Variants in DAB1 observed in about 807,000 individuals in gnomAD.
The protein encoded by DAB1 is DAB adaptor protein 1.
A neutral mutation model predicts 64.6 loss-of-function variants in DAB1; 15 were observed. The ratio of observed to expected loss-of-function variants is 0.23; its 90% CI spans 0.16 to 0.36. DAB1 has a LOEUF of 0.36. Among genes scored for constraint, DAB1 ranks in the 10% least tolerant of loss-of-function variants. DAB1 has a pLI of 1.00. For missense variants in DAB1, 596 were observed against 706.7 expected (o/e 0.84, Z 1.78); for synonymous variants, 235 against 251.9 (o/e 0.93, Z 0.64).
intron 5 of DAB1, among the ~76,000 whole-genome samples, chr1:58,077,446 T>C (rs910880744): frequency 6.6e-6 from 1 of 152,074 alleles, no homozygotes; most frequent in Non-Finnish European, 1.5e-5. Flanking sequence ...AGGAAAGTGG[T>C]ACAGTCTGGC....
chr1:57,957,850 C>T lies in DAB1; in HGVS notation n.388-73688G>A, dbSNP rs1570076514. 3.3e-5 allele frequency among the ~76,000 whole-genome samples: 5 copies of T among 152,220 alleles called. 1 individual carries two copies. The highest frequency in any genetic ancestry group is 3.3e-4 in the Admixed American group (5 of 15,288). On this transcript the variant is annotated intron_variant and non_coding_transcript_variant, in intron 5 of 20. Coordinates refer to the DAB1 transcript ENST00000485760. ...GTTTCATACCTGACAATACATGAAA[C>T]AAGACTTCAAAAGAATTTTTGTGAA... is the stretch of plus-strand genomic sequence containing the variant.
chr1:57,882,925 T>C (rs972830496), intron 1 of DAB1, among the ~76,000 whole-genome samples: 1 of 152,200 alleles, frequency 6.6e-6, no homozygotes, highest in Non-Finnish European at 1.5e-5. Flanking sequence ...TTTTTGTCCA[T>C]GGGAGATGCT....
At chr1:58,517,646 T>C (rs1316428999) in intron 2 of DAB1, among the ~76,000 whole-genome samples, 1 of 152,188 alleles carries the variant, frequency 6.6e-6, no homozygotes, top group Non-Finnish European at 1.5e-5. Context: ...AATTTCTGTC[T>C]CTTGAATTCT....
chr1:57,218,538 A>AAAAAAAAAAAAAAAAAAG (rs1666610155), intron 2 of DAB1, among the ~76,000 whole-genome samples: 1 of 147,848 alleles, frequency 6.8e-6, no homozygotes, highest in African/African-American at 2.5e-5. Context: ...AAAAAAAAAA[A>AAAAAAAAAAAAAAAAAAG]AAAAACAGAA....
chr1:57,464,357 C>G (rs1686886214), intron 7 of DAB1, among the ~76,000 whole-genome samples: 1 of 152,176 alleles, frequency 6.6e-6, no homozygotes, highest in South Asian at 2.1e-4. Flanking sequence ...TAACTCCTAA[C>G]TCCCACCTAT....
chr1:57,775,898 A>G (rs937960957), intron 6 of DAB1, among the ~76,000 whole-genome samples: 5 of 151,530 alleles, frequency 3.3e-5, no homozygotes, highest in African/African-American at 7.3e-5. Flanking sequence ...TTGTGATACC[A>G]TCTTTATGTT....
rs1005550306 is a variant in DAB1, at chr1:58,311,859, T to C, written n.309+31493A>G. On this transcript the variant is annotated intron_variant and non_coding_transcript_variant, in intron 4 of 20. Transcript: ENST00000485760. The stretch of plus-strand genomic sequence containing the variant: ...GAACTGATAAATACATATTATATCT[T>C]TTAATCTTCACAACAACATTGGGGG... Among the ~76,000 whole-genome samples, 11 of 152,168 alleles carry C rather than the reference T, an allele frequency of 7.2e-5. 1 individual carries two copies. The highest frequency in any genetic ancestry group is 2.4e-4 in the African/African-American group (10 of 41,442).
At chr1:58,132,179 C>T (rs981830109) in intron 5 of DAB1, among the ~76,000 whole-genome samples, 5 of 152,230 alleles carry the variant, frequency 3.3e-5, no homozygotes, top group East Asian at 1.9e-4. Context: ...TTTTTAAGCC[C>T]GTCGGAAAAG....
At chr1:57,231,601 A>G (rs1314232043) in intron 2 of DAB1, among the ~76,000 whole-genome samples, 1 of 152,242 alleles carries the variant, frequency 6.6e-6, no homozygotes, top group African/African-American at 2.4e-5. Context: ...CACCTGATCC[A>G]GTCCTCAGAA....
intron 2 of DAB1, among the ~76,000 whole-genome samples, chr1:57,243,343 A>G (rs1325133345): frequency 6.6e-6 from 1 of 152,216 alleles, no homozygotes; most frequent in Admixed American, 6.5e-5. Context: ...TTAGTGGTTA[A>G]TGGTGCATCT....
intron 4 of DAB1, among the ~76,000 whole-genome samples, chr1:58,240,855 A>G (rs1264693980): frequency 1.3e-5 from 2 of 152,162 alleles, no homozygotes; most frequent in African/African-American, 4.8e-5. Flanking sequence ...ATAGAAAGAG[A>G]AGAGGACCTC....
intron 3 of DAB1, among the ~76,000 whole-genome samples, chr1:58,363,005 T>C (rs1644182080): frequency 6.6e-6 from 1 of 152,244 alleles, no homozygotes; most frequent in African/African-American, 2.4e-5. Context: ...TCTCACTGTC[T>C]GCTCACATGG....
chr1:57,668,126 A>G (rs1046387450), intron 6 of DAB1, among the ~76,000 whole-genome samples: 6 of 152,092 alleles, frequency 3.9e-5, no homozygotes, highest in Non-Finnish European at 8.8e-5. Flanking sequence ...TTGAAAGTGG[A>G]ATTAGCGTTC....
chr1:57,107,094 G>A (rs1251029728), intron 4 of DAB1, among the ~76,000 whole-genome samples: 3 of 152,104 alleles, frequency 2.0e-5, no homozygotes, highest in Non-Finnish European at 4.4e-5. Context: ...ATCAACCCAG[G>A]CCAGGCATGG....
intron 3 of DAB1, among the ~76,000 whole-genome samples, chr1:58,425,026 A>G (rs1644808756): frequency 6.6e-6 from 1 of 152,230 alleles, no homozygotes; most frequent in Admixed American, 6.5e-5. Context: ...GACATTTGTC[A>G]TTTTATATCC....
At chr1:58,039,013 T>TCCCCACACCAA (rs1647091076) in intron 5 of DAB1, among the ~76,000 whole-genome samples, 1 of 151,996 alleles carries the variant, frequency 6.6e-6, no homozygotes, top group South Asian at 2.1e-4. Flanking sequence ...CCCACTCTGC[T>TCCCCACACCAA]CCCCACACCA....
At chr1:58,505,913 A>C in intron 3 of DAB1, 1 of 521,998 alleles carries the variant, frequency 1.9e-6, no homozygotes, top group Non-Finnish European at 3.3e-6. Flanking sequence ...TTTTCAGTCA[A>C]ATTCTGTGAC....
chr1:58,539,421 C>A, intron 1 of DAB1: 1 of 624,780 alleles, frequency 1.6e-6, no homozygotes, highest in Non-Finnish European at 2.7e-6. Context: ...ACATCTCAGG[C>A]TAAATTACCT....
intron 7 of DAB1, among the ~76,000 whole-genome samples, chr1:57,535,191 G>A (rs1263918566): frequency 6.6e-6 from 1 of 152,092 alleles, no homozygotes; most frequent in Non-Finnish European, 1.5e-5. Context: ...TACAATAATT[G>A]TATTTAATTG....
Sources: gnomAD v4.1 joint callset for allele counts (sites outside exome capture counted in the v4.1 genomes callset) on GRCh38, gnomAD v4.1.1 for gene constraint, MANE v1.5 for transcripts, NCBI Gene and HGNC (gene_info 2026-07-23, HGNC 2026-07-21) for gene names.